Variants in RAB20 observed in about 807,000 individuals in gnomAD.
RAB20 encodes RAB20, member RAS oncogene family, also known as ras-related protein Rab-20.
In RAB20, 2 loss-of-function variants were observed where a neutral mutation model predicts 3.7. That is an observed-to-expected ratio of 0.54 (90% CI 0.22 to 1.69). RAB20 has a LOEUF of 1.69. RAB20 is among the 40% of genes most tolerant of loss of function. RAB20 has a pLI of 0.19. For synonymous variants in RAB20, 126 were observed against 130.8 expected (o/e 0.96, Z 0.25); for missense variants, 276 against 311.9 (o/e 0.88, Z 0.87).
At chr13:110,531,338 T>C (rs1884537488) in intron 1 of RAB20, among the ~76,000 whole-genome samples, 1 of 152,212 alleles carries the variant, frequency 6.6e-6, no homozygotes, top group African/African-American at 2.4e-5. Context: ...GCACAGGCAT[T>C]TGCAGAATGC....
Position 110,524,189 on chromosome 13 carries a change from G to A in RAB20, c.181C>T (p.Gln61Ter), listed in dbSNP as rs1476083293. 1.3e-6 allele frequency: 2 copies of A among 1,589,310 alleles called. No homozygotes were observed. The highest frequency in any genetic ancestry group is 1.7e-6 in the Non-Finnish European group (2 of 1,172,354). ...TACATGGAGCCCAGGCCGTGGAACT[G>A]CTCCCGCCCTGGTGGGAAGAGAGGG... ...ISIWDTAGRE[Q>*]FHGLGSMYCR... Residue 61 changes from glutamine to a stop codon, truncating the protein, a stop_gained, in exon 2 of 2, where the codon CAG becomes TAG. Coordinates refer to ENST00000267328, the MANE Select transcript of RAB20 (RefSeq NM_017817.3). LOFTEE classifies it low-confidence loss of function (END_TRUNC).
chr13:110,540,107 T>C (rs1884731611), intron 1 of RAB20, among the ~76,000 whole-genome samples: 1 of 152,222 alleles, frequency 6.6e-6, no homozygotes, highest in Non-Finnish European at 1.5e-5. Flanking sequence ...CTAAAAATAG[T>C]TCAATGACAA....
Position 110,561,500 on chromosome 13 carries a change from T to C in RAB20, c.20A>G (p.Lys7Arg). 3.2e-6 allele frequency: 5 copies of C among 1,585,346 alleles called. No individual in the cohort carries two copies. In the African/African-American group the frequency reaches 4.1e-5, roughly 13 times the overall value. ...GTTCATGTCCCCCAGGAGCACGATC[T>C]TGCTGTCGGGCTTCCTCATCTTCCC... is the stretch of plus-strand genomic sequence containing the variant. MRKPDSKIVLLGDMNVG... is the reference protein window; with the variant it reads MRKPDSRIVLLGDMNVG... The change falls in exon 1 of 2, where the codon AAG (lysine) becomes AGG (arginine). Residue 7 changes from lysine to arginine, a missense_variant. Coordinates refer to ENST00000267328, the MANE Select transcript of RAB20 (RefSeq NM_017817.3).
chr13:110,533,016 G>A (rs557131977), intron 1 of RAB20, among the ~76,000 whole-genome samples: 15 of 152,206 alleles, frequency 9.9e-5, no homozygotes, highest in African/African-American at 3.6e-4. Flanking sequence ...TCTCTGCCTT[G>A]CCAGATCGGA....
intron 1 of RAB20, among the ~76,000 whole-genome samples, chr13:110,536,996 G>T (rs1193349): frequency 0.33 from 40,576 of 123,698 alleles, 7,280 homozygotes; most frequent in African/African-American, 0.48. Context: ...GTTTTTTTTT[G>T]TGTGAGACAG....
intron 1 of RAB20, among the ~76,000 whole-genome samples, chr13:110,551,696 C>A (rs973006059): frequency 6.6e-6 from 1 of 151,984 alleles, no homozygotes; most frequent in Non-Finnish European, 1.5e-5. Flanking sequence ...TGTGTTTGTA[C>A]GTGTGTGTAT....
chr13:110,548,499 C>A (rs11616413), intron 1 of RAB20, among the ~76,000 whole-genome samples: 2 of 149,728 alleles, frequency 1.3e-5, no homozygotes, highest in Non-Finnish European at 1.5e-5. Flanking sequence ...AAAATAAAAA[C>A]AAAAAAAAAC....
rs750706040 is a variant in RAB20 at position 110,561,538 on chromosome 13, AGCGCCCCC to A, written c.-27_-20del. On this transcript the variant is annotated 5_prime_UTR_variant, in exon 1 of 2. Transcript: ENST00000267328. ...TCCTCATCTTCCCGTAAGAACCCCC[AGCGCCCCC>A]GCGCCCTCTCCCCGAGGCTGGCCGG... The A allele has an allele frequency of 1.7e-5, 26 of 1,541,530 alleles. 2 individuals carry two copies. The South Asian group carries it at 3.2e-4, about 19-fold the overall frequency.
At chr13:110,534,671 C>A (rs1417680832) in intron 1 of RAB20, among the ~76,000 whole-genome samples, 1 of 152,216 alleles carries the variant, frequency 6.6e-6, no homozygotes, top group Non-Finnish European at 1.5e-5. Context: ...CTCTACTGTG[C>A]ACCCCAGGGG....
chr13:110,548,992 C>G (rs533329589), intron 1 of RAB20, among the ~76,000 whole-genome samples: 2 of 152,334 alleles, frequency 1.3e-5, no homozygotes, highest in African/African-American at 4.8e-5. Context: ...GAGGCCTGAA[C>G]ATGTGTGTGA....
chr13:110,527,275 CCA>C (rs1390930884), intron 1 of RAB20, among the ~76,000 whole-genome samples: 1 of 152,048 alleles, frequency 6.6e-6, no homozygotes, highest in Non-Finnish European at 1.5e-5. Context: ...AGAGAGGCGC[CCA>C]CAGAGACACA....
In RAB20 at chr13:110,523,679, C is replaced by A; in HGVS notation, c.691G>T (p.Gly231Trp). ...SHKPPKRTRS[G>W]CCA ...GCCCTCGAAAGTCAGGCACAACACC[C>A]AGATCTGGTCCTCTTGGGTGGCTTA... Residue 231 changes from glycine (G) to tryptophan (W), a missense_variant, in exon 2 of 2, where the codon GGG becomes TGG. Physicochemically the swap from Gly to Trp is radical, Grantham distance 184 (BLOSUM62 -2). Transcript: ENST00000267328. 6.2e-7 allele frequency: 1 copy of A among 1,613,596 alleles called. No homozygotes were observed. Among genetic ancestry groups the A allele is most frequent in the African/African-American group, 1.3e-5 (1 of 75,046 alleles).
intron 1 of RAB20, among the ~76,000 whole-genome samples, chr13:110,544,801 A>G (rs776417566): frequency 2.6e-5 from 4 of 152,180 alleles, no homozygotes; most frequent in Non-Finnish European, 4.4e-5. Flanking sequence ...TCAAATCTCA[A>G]GTAGGTCTCT....
intron 1 of RAB20, among the ~76,000 whole-genome samples, chr13:110,535,787 C>T (rs1884629206): frequency 6.6e-6 from 1 of 152,264 alleles, no homozygotes; most frequent in Non-Finnish European, 1.5e-5. Context: ...CAGCAGTACC[C>T]AAAGCTCCGG....
At position 110,523,915 on chromosome 13, in the gene RAB20, T is replaced by G. The variant is rs752869422; in HGVS notation, c.455A>C (p.Glu152Ala). The G allele has an allele frequency of 1.9e-6, 3 of 1,614,096 alleles. No individual in the cohort carries two copies. In the African/African-American group the frequency reaches 4.0e-5, roughly 22 times the overall value. Residue 152 changes from glutamate to alanine, a missense_variant, in exon 2 of 2, where the codon GAG becomes GCG. Transcript: ENST00000267328. The stretch of plus-strand genomic sequence containing the variant: ...CTTTTTATAAAGGGCCACCGCATCC[T>G]CCAGCTGCACCTGCTTAGGTGCCCT... The part of the protein sequence containing the change: ...SPRAPKQVQL[E>A]DAVALYKKIL...
chr13:110,557,991 C>A (rs1257672927), intron 1 of RAB20, among the ~76,000 whole-genome samples: 13 of 152,400 alleles, frequency 8.5e-5, no homozygotes, highest in Non-Finnish European at 1.6e-4. Flanking sequence ...GCCTGCCTTT[C>A]CCCCTCCTCT....
chr13:110,529,307 A>G (rs1323818562), intron 1 of RAB20, among the ~76,000 whole-genome samples: 1 of 152,150 alleles, frequency 6.6e-6, no homozygotes, highest in East Asian at 1.9e-4. Context: ...CCCCATACAC[A>G]TGTCAGCCCC....
chr13:110,561,186 A>G (rs1419549028), intron 1 of RAB20, among the ~76,000 whole-genome samples, 162 bp downstream of exon 1: 1 of 152,216 alleles, frequency 6.6e-6, no homozygotes, highest in Admixed American at 6.5e-5. Flanking sequence ...GGCAGCGCTC[A>G]GCCCAACCAG....
chr13:110,530,051 G>A (rs1469878789), intron 1 of RAB20, among the ~76,000 whole-genome samples: 5 of 152,170 alleles, frequency 3.3e-5, no homozygotes, highest in African/African-American at 1.2e-4. Context: ...GACTTTAACC[G>A]TGAGTTCAGA....
Sources: allele counts gnomAD v4.1 joint callset (sites outside exome capture counted in the v4.1 genomes callset), GRCh38; gene constraint gnomAD v4.1.1; transcripts MANE v1.5; gene names NCBI Gene and HGNC (gene_info 2026-07-23, HGNC 2026-07-21).